Variants in SGMS1 observed in about 807,000 individuals in gnomAD.
The protein encoded by SGMS1 is sphingomyelin synthase 1, also known as phosphatidylcholine:ceramide cholinephosphotransferase 1.
Under a neutral mutation model 46.2 loss-of-function variants are expected in SGMS1, and 13 were observed. The ratio of observed to expected loss-of-function variants is 0.28; its 90% CI spans 0.18 to 0.45. The LOEUF is 0.45. Ranked by LOEUF, SGMS1 falls within the 20% of genes least tolerant of loss-of-function variation. SGMS1 has a pLI of 1.00. For missense variants in SGMS1, 324 were observed against 519.9 expected, an observed-to-expected ratio of 0.62 and a Z score of 3.66; for synonymous variants, 203 against 187.8, an observed-to-expected ratio of 1.08 and a Z score of -0.66.
At chr10:50,378,173 T>C (rs2133465238) in intron 6 of SGMS1, among the ~76,000 whole-genome samples, 1 of 152,318 alleles carries the variant, frequency 6.6e-6, no homozygotes, top group Middle Eastern at 3.4e-3. Context: ...ACTTGCAGCT[T>C]TTACACTAGC....
At chr10:50,624,657 C>CG (rs1341555535), upstream of SGMS1, 1 of 985,346 alleles carries the variant, frequency 1.0e-6, no homozygotes, top group Non-Finnish European at 1.2e-6. Context: ...GCGGCTAGGC[C>CG]GGGGTCGGAG....
intron 6 of SGMS1, among the ~76,000 whole-genome samples, chr10:50,404,569 T>C (rs919730405): frequency 6.6e-6 from 1 of 152,172 alleles, no homozygotes; most frequent in Non-Finnish European, 1.5e-5. Flanking sequence ...TGCCACTGCA[T>C]TGCAGTCTGG....
intron 7 of SGMS1, among the ~76,000 whole-genome samples, chr10:50,334,046 A>G (rs1847672460): frequency 6.6e-6 from 1 of 152,206 alleles, no homozygotes; most frequent in Non-Finnish European, 1.5e-5. Context: ...AACAAAACCC[A>G]GGTCTTTCAG....
At chr10:50,400,563 A>G (rs1490956411) in intron 6 of SGMS1, among the ~76,000 whole-genome samples, 2 of 151,024 alleles carry the variant, frequency 1.3e-5, no homozygotes, top group South Asian at 2.1e-4. Flanking sequence ...CAATCCTCCC[A>G]CCTCAGCCTC....
intron 6 of SGMS1, among the ~76,000 whole-genome samples, chr10:50,408,567 C>T (rs960111374): frequency 6.6e-6 from 1 of 152,020 alleles, no homozygotes; most frequent in African/African-American, 2.4e-5. Context: ...CCTGTAGTCC[C>T]AGCTACTCAG....
At chr10:50,555,484 A>G (rs1289116628) in intron 2 of SGMS1, among the ~76,000 whole-genome samples, 2 of 152,204 alleles carry the variant, frequency 1.3e-5, no homozygotes, top group African/African-American at 4.8e-5. Flanking sequence ...ACAGGGCTTC[A>G]TGGGTACATC....
chr10:50,341,861 A>G (rs180779839), intron 7 of SGMS1, among the ~76,000 whole-genome samples: 1 of 152,354 alleles, frequency 6.6e-6, no homozygotes, highest in East Asian at 1.9e-4. Context: ...GTAATTATTA[A>G]TATACTTTAA....
intron 6 of SGMS1, among the ~76,000 whole-genome samples, chr10:50,392,074 G>C (rs1848777262): frequency 6.6e-6 from 1 of 151,824 alleles, no homozygotes; most frequent in Non-Finnish European, 1.5e-5. Flanking sequence ...AAAACTACCT[G>C]TCGAGTACTA....
At chr10:50,444,883 A>C (rs1056104687) in intron 5 of SGMS1, among the ~76,000 whole-genome samples, 1 of 152,218 alleles carries the variant, frequency 6.6e-6, no homozygotes, top group African/African-American at 2.4e-5. Context: ...CATCAATATC[A>C]AAACTGCTTT....
At chr10:50,586,609 C>A (rs1332630240) in intron 2 of SGMS1, among the ~76,000 whole-genome samples, 1 of 152,208 alleles carries the variant, frequency 6.6e-6, no homozygotes, top group Non-Finnish European at 1.5e-5. Flanking sequence ...GTAATAATGG[C>A]AGAGAAGAGG....
chr10:50,471,398 C>T (rs1218944131), intron 3 of SGMS1, among the ~76,000 whole-genome samples: 2 of 152,102 alleles, frequency 1.3e-5, no homozygotes, highest in African/African-American at 4.8e-5. Flanking sequence ...CTATGTGGTA[C>T]CAGGGAGTCA....
intron 8 of SGMS1, among the ~76,000 whole-genome samples, chr10:50,326,201 T>C (rs1169833964): frequency 2.0e-5 from 3 of 150,260 alleles, no homozygotes; most frequent in Admixed American, 1.3e-4. Context: ...AAAAGTTAAG[T>C]AAGAAATGAG....
intron 3 of SGMS1, among the ~76,000 whole-genome samples, chr10:50,490,753 G>A (rs1356845680): frequency 6.6e-6 from 1 of 152,020 alleles, no homozygotes; most frequent in Non-Finnish European, 1.5e-5. Context: ...CATAAAACAG[G>A]CAAAAAAATT....
intron 8 of SGMS1, among the ~76,000 whole-genome samples, chr10:50,324,944 C>A (rs1297819576): frequency 6.6e-6 from 1 of 151,996 alleles, no homozygotes; most frequent in Admixed American, 6.5e-5. Flanking sequence ...GATTTTGGAC[C>A]CTAATTTATA....
At chr10:50,470,900 C>T (rs376790434) in intron 3 of SGMS1, among the ~76,000 whole-genome samples, 25 of 152,090 alleles carry the variant, frequency 1.6e-4, no homozygotes, top group Non-Finnish European at 3.1e-4. Context: ...TCCTGTAAAA[C>T]GCATTTGCAT....
chr10:50,372,336 A>G (rs571599583), intron 6 of SGMS1, among the ~76,000 whole-genome samples: 141 of 152,318 alleles, frequency 9.3e-4, no homozygotes, highest in African/African-American at 2.9e-3. Context: ...AAAAGAACAA[A>G]CCTATAAACT....
intron 6 of SGMS1, among the ~76,000 whole-genome samples, chr10:50,399,393 A>C (rs1244927741): frequency 6.6e-6 from 1 of 152,252 alleles, no homozygotes; most frequent in Non-Finnish European, 1.5e-5. Context: ...ATATAGAAAA[A>C]ATATGACAAC....
At chr10:50,449,862 T>G (rs979560327) in intron 5 of SGMS1, among the ~76,000 whole-genome samples, 3 of 152,100 alleles carry the variant, frequency 2.0e-5, no homozygotes, top group Non-Finnish European at 4.4e-5. Flanking sequence ...TTGTTCTTTT[T>G]TTTTTCTACT....
intron 3 of SGMS1, among the ~76,000 whole-genome samples, chr10:50,493,892 G>A (rs941988384): frequency 1.3e-5 from 2 of 152,154 alleles, no homozygotes; most frequent in Non-Finnish European, 2.9e-5. Flanking sequence ...CCACCTCCTG[G>A]GTTCAAGTGA....
Sources: allele counts gnomAD v4.1 joint callset (sites outside exome capture counted in the v4.1 genomes callset), GRCh38; gene constraint gnomAD v4.1.1; transcripts MANE v1.5; gene names NCBI Gene and HGNC (gene_info 2026-07-23, HGNC 2026-07-21).